Variants in C14orf39 observed in about 807,000 individuals in gnomAD.
C14orf39 encodes protein SIX6OS1.
Under a neutral mutation model 85.6 loss-of-function variants are expected in C14orf39, and 66 were observed. The observed-to-expected ratio is 0.77, with a 90% CI of 0.63 to 0.95. The LOEUF (loss-of-function observed/expected upper bound fraction) is 0.95, where lower values mean the gene tolerates loss of function less well. Among genes scored for constraint, C14orf39 ranks in the 40% least tolerant of loss-of-function variants. The pLI is 0.00. For synonymous variants in C14orf39, 242 were observed against 214.0 expected, an observed-to-expected ratio of 1.13 and a Z score of -1.14; for missense variants, 735 against 663.9, an observed-to-expected ratio of 1.11 and a Z score of -1.18.
intron 1 of C14orf39, among the ~76,000 whole-genome samples, chr14:60,499,931 T>A (rs1262412265): frequency 6.6e-6 from 1 of 152,224 alleles, no homozygotes; most frequent in East Asian, 1.9e-4. Context: ...GAAATGCCCA[T>A]TTTAAAAAAT....
chr14:60,440,204 A>G (rs1210644735), intron 17 of C14orf39, among the ~76,000 whole-genome samples: 1 of 152,232 alleles, frequency 6.6e-6, no homozygotes, highest in East Asian at 1.9e-4. Flanking sequence ...CTGTGTCTCC[A>G]TCTCATTGAA....
chr14:60,462,325 G>A (rs1479309741), intron 11 of C14orf39, among the ~76,000 whole-genome samples: 1 of 152,060 alleles, frequency 6.6e-6, no homozygotes, highest in Non-Finnish European at 1.5e-5. Flanking sequence ...GGATTTCAAG[G>A]CTACAGTGAG....
At chr14:60,463,481 A>G (rs1457922409) in intron 11 of C14orf39, among the ~76,000 whole-genome samples, 2 of 152,048 alleles carry the variant, frequency 1.3e-5, no homozygotes, top group Non-Finnish European at 2.9e-5. Flanking sequence ...GATAATATTT[A>G]CAAATGTTTC....
rs1236384437 is a variant in C14orf39 at position 60,478,375 on chromosome 14, CAT to C, written c.246_247del (p.Cys83Ter). ...ATCTTCATGTTTACGAAAAACATCA[CAT>C]GTTGGCTTCCAGCTATAGAAAAAAA... On this transcript the variant is annotated frameshift_variant, in exon 5 of 18. Transcript: ENST00000321731. LOFTEE classifies it high-confidence loss of function. 7.6e-6 allele frequency: 12 copies of C among 1,571,946 alleles called. No homozygotes were observed. The highest frequency in any genetic ancestry group is 9.5e-6 in the Non-Finnish European group (11 of 1,162,122).
intron 16 of C14orf39, among the ~76,000 whole-genome samples, chr14:60,442,371 C>T (rs1890560809): frequency 6.6e-6 from 1 of 152,088 alleles, no homozygotes; most frequent in Admixed American, 6.5e-5. Flanking sequence ...AAAGATAGCT[C>T]TTACTTTAGA....
chr14:60,469,081 G>C (rs1428997531), intron 8 of C14orf39, among the ~76,000 whole-genome samples: 1 of 151,156 alleles, frequency 6.6e-6, no homozygotes, highest in African/African-American at 2.4e-5. Context: ...AAAGTTTAAA[G>C]GCTAAACTAG....
chr14:60,492,131 T>TA (rs1339937527), intron 2 of C14orf39, among the ~76,000 whole-genome samples: 20 of 37,128 alleles, frequency 5.4e-4, no homozygotes, highest in African/African-American at 9.0e-4. Context: ...TGGCAAAACT[T>TA]TAAAAAAAAT....
intron 4 of C14orf39, among the ~76,000 whole-genome samples, chr14:60,482,636 T>A (rs1390805416): frequency 1.3e-5 from 2 of 152,232 alleles, no homozygotes; most frequent in East Asian, 3.9e-4. Flanking sequence ...TAGCAATAGA[T>A]CTCTATATGT....
chr14:60,495,017 C>T (rs17097534), intron 2 of C14orf39: 4,785 of 180,090 alleles, frequency 0.027, 90 homozygotes, highest in Non-Finnish European at 0.038. Flanking sequence ...AACATGGCCA[C>T]ACTGGTAAAT....
At chr14:60,511,414 C>G in intron 1 of C14orf39, 1 of 858,066 alleles carries the variant, frequency 1.2e-6, no homozygotes, top group Non-Finnish European at 1.9e-6. Context: ...CACCCCGCGG[C>G]CGGCCTGGCT....
intron 9 of C14orf39, 64 bp downstream of exon 9, chr14:60,468,381 G>C: frequency 1.0e-6 from 1 of 979,980 alleles, no homozygotes; most frequent in South Asian, 1.9e-5. Context: ...ATGGAATATA[G>C]AATCAAACTT....
rs1423775697 is a variant in C14orf39, at chr14:60,469,662, G to A, written c.555-9C>T. 7.0e-6 allele frequency: 8 copies of A among 1,148,872 alleles called. No individual in the cohort carries two copies. The highest frequency in any genetic ancestry group is 9.7e-6 in the Non-Finnish European group (8 of 826,842). The allele number at this position is 1,148,872 out of a possible 1,614,324, so 71.2% of individuals were successfully genotyped here. A position where few individuals can be genotyped will look rare whatever the true frequency, so the allele number is the denominator to read the frequency against. ...CACATCTCAAATTAACACTTTTTATGTTAAGGAACTATGTCATATAAGTAA... is the reference window on the plus strand; with the variant it reads ...CACATCTCAAATTAACACTTTTTATATTAAGGAACTATGTCATATAAGTAA... On this transcript the variant is annotated splice_polypyrimidine_tract_variant and intron_variant, in intron 7 of 17. Transcript: ENST00000321731.
chr14:60,469,929 G>GTTTTTTTTTTTTT (rs373485742), intron 7 of C14orf39, among the ~76,000 whole-genome samples: 1 of 108,250 alleles, frequency 9.2e-6, no homozygotes, highest in Non-Finnish European at 1.8e-5. Context: ...TCACAGGGTA[G>GTTTTTTTTTTTTT]TTTTTTTTTT....
intron 5 of C14orf39, among the ~76,000 whole-genome samples, chr14:60,474,583 CTAAT>C (rs1212494818): frequency 1.3e-5 from 2 of 152,168 alleles, no homozygotes; most frequent in African/African-American, 4.8e-5. Flanking sequence ...CCATCGATAC[CTAAT>C]TTATTGATAG....
chr14:60,486,454 A>G (rs1386885648), upstream of C14orf39, among the ~76,000 whole-genome samples: 1 of 152,184 alleles, frequency 6.6e-6, no homozygotes. Context: ...TGAATTCAGC[A>G]TTTTTCAAAA....
intron 10 of C14orf39, among the ~76,000 whole-genome samples, chr14:60,466,475 C>A (rs8012628): frequency 0.17 from 26,069 of 150,932 alleles, 2,975 homozygotes; most frequent in East Asian, 0.55. Context: ...TGGCAAAAAC[C>A]ATGATTACTT....
At position 60,511,074 on chromosome 14, in the gene C14orf39, T is replaced by C. The variant is rs916365037; in HGVS notation, c.-144+4321A>G. ...CGAGCTGTGACCCGTGTTCCCTTTC[T>C]TCCCCGTAGACTCCAGCAGCAGGTC... On this transcript the variant is annotated intron_variant, in intron 1 of 5. Coordinates refer to the C14orf39 transcript ENST00000556799. 5.0e-6 allele frequency: 8 copies of C among 1,612,100 alleles called. No individual in the cohort carries two copies. Among genetic ancestry groups the C allele is most frequent in the African/African-American group, 1.3e-5 (1 of 74,882 alleles).
At chr14:60,464,509 TGTCAAA>T (rs1201626523) in intron 11 of C14orf39, among the ~76,000 whole-genome samples, 1 of 152,162 alleles carries the variant, frequency 6.6e-6, no homozygotes, top group Non-Finnish European at 1.5e-5. Context: ...TTTGAAAGTC[TGTCAAA>T]CTCTGCTTTA....
At chr14:60,508,205 A>G (rs1308352512) in intron 1 of C14orf39, among the ~76,000 whole-genome samples, 1 of 152,210 alleles carries the variant, frequency 6.6e-6, no homozygotes, top group Non-Finnish European at 1.5e-5. Context: ...CTCAAGAGGT[A>G]TAAGTTCTAA....
Sources: gnomAD v4.1 joint callset for allele counts (sites outside exome capture counted in the v4.1 genomes callset) on GRCh38, gnomAD v4.1.1 for gene constraint, MANE v1.5 for transcripts, NCBI Gene and HGNC (gene_info 2026-07-23, HGNC 2026-07-21) for gene names.